The following EXTL3 variants were observed in gnomAD, a reference collection of about 807,000 sequenced individuals.
EXTL3 encodes exostosin like glycosyltransferase 3.
In EXTL3, 27 loss-of-function variants were observed where a neutral mutation model predicts 69.3. The observed-to-expected ratio is 0.39, with a 90% CI of 0.29 to 0.54. The LOEUF is 0.54. EXTL3 is among the 20% of genes least tolerant of loss of function. EXTL3 has a pLI of 0.69. For synonymous variants in EXTL3, 511 were observed against 499.4 expected, an observed-to-expected ratio of 1.02 and a Z score of -0.31; for missense variants, 1,003 against 1,231.8, an observed-to-expected ratio of 0.81 and a Z score of 2.78.
At chr8:28,742,664 G>A (rs1206482448) in intron 5 of EXTL3, 6 of 308,312 alleles carry the variant, frequency 1.9e-5, no homozygotes, top group South Asian at 3.0e-5. Context: ...GTGAGGGATC[G>A]TGTGTTTCAT....
At chr8:28,705,156 A>G (rs1471459144) in intron 1 of EXTL3, among the ~76,000 whole-genome samples, 1 of 152,112 alleles carries the variant, frequency 6.6e-6, no homozygotes, top group Non-Finnish European at 1.5e-5. Context: ...AGGGTGGTGA[A>G]ATTTTCCCCA....
chr8:28,676,804 C>T (rs1250936196), intron 1 of EXTL3, among the ~76,000 whole-genome samples: 1 of 152,140 alleles, frequency 6.6e-6, no homozygotes, highest in Non-Finnish European at 1.5e-5. Flanking sequence ...GCTTCTCAGA[C>T]CCCCGTGTGC....
intron 3 of EXTL3, among the ~76,000 whole-genome samples, chr8:28,723,607 CT>C (rs1185770475): frequency 2.0e-5 from 3 of 149,062 alleles, no homozygotes; most frequent in Admixed American, 2.0e-4. Context: ...ACTTGACTAA[CT>C]GATACCTGTA....
rs770098386 is a variant in EXTL3, at chr8:28,717,863, C to T, written c.1804C>T (p.Arg602Cys). Residue 602 changes from arginine to cysteine, a missense_variant, in exon 3 of 7, where the codon CGC (arginine) becomes TGC (cysteine). Arg to Cys is a radical substitution (Grantham distance 180). This residue lies in a region of EXTL3 where 742 missense variants were observed against 815.4 expected (regional missense o/e 0.91). Transcript: ENST00000220562. The surrounding 1 kb of genome is among the most constrained non-coding windows in gnomAD (Gnocchi z 8.3). ...NFTLTVTDFY[R>C]SWNCAPGPFH... Reference sequence around the variant, plus strand: ...CACTCTGACTGTCACTGACTTTTACCGCAGCTGGAACTGTGCTCCAGGGCC... The same window carrying T: ...CACTCTGACTGTCACTGACTTTTACTGCAGCTGGAACTGTGCTCCAGGGCC... 5 of 1,612,954 alleles carry T rather than the reference C, an allele frequency of 3.1e-6. No individual in the cohort carries two copies. The East Asian group carries it at 6.7e-5, about 22-fold the overall frequency.
rs531453577 is a variant in EXTL3 at position 28,642,314 on chromosome 8, C to T, written c.-53+19504C>T. ...ATACAAAATTAGCAGGGCATGGGGA[C>T]ATGCACCTGTGGTCCCAGCCACTTG... On this transcript the variant is annotated intron_variant, in intron 1 of 6. Coordinates refer to the EXTL3 transcript ENST00000523149. 4.0e-5 allele frequency among the ~76,000 whole-genome samples: 6 copies of T among 151,838 alleles called. No homozygotes were observed. In the East Asian group the frequency reaches 1.2e-3, roughly 30 times the overall value.
chr8:28,638,819 C>T (rs1008327448), intron 1 of EXTL3, among the ~76,000 whole-genome samples: 8 of 151,984 alleles, frequency 5.3e-5, no homozygotes, highest in East Asian at 3.9e-4. Context: ...TTAGTACAGA[C>T]GGGGTCTCAC....
intron 1 of EXTL3, among the ~76,000 whole-genome samples, chr8:28,711,865 A>C (rs1047147263): frequency 3.3e-5 from 5 of 152,160 alleles, no homozygotes; most frequent in Admixed American, 6.5e-5. Context: ...CCAGGGGAGA[A>C]TTGAGAGTTT....
chr8:28,740,390 TCTC>T (rs3051959), intron 5 of EXTL3: 1 of 152,250 alleles, frequency 6.6e-6, no homozygotes, highest in Non-Finnish European at 1.5e-5. Flanking sequence ...TTTAGGCAAT[TCTC>T]CTGCCTCAGC....
chr8:28,708,280 A>G (rs1041670913), intron 1 of EXTL3, among the ~76,000 whole-genome samples: 1 of 151,944 alleles, frequency 6.6e-6, no homozygotes, highest in Non-Finnish European at 1.5e-5. Context: ...CCCTTTTTTC[A>G]TCCAGGCTAG....
At chr8:28,729,834 G>C (rs980974655) in intron 3 of EXTL3, among the ~76,000 whole-genome samples, 2 of 150,430 alleles carry the variant, frequency 1.3e-5, no homozygotes, top group African/African-American at 4.9e-5. Flanking sequence ...GAGACTTCGA[G>C]AACTCGCTTT....
intron 1 of EXTL3, among the ~76,000 whole-genome samples, chr8:28,640,041 A>G (rs920676566): frequency 6.6e-6 from 1 of 152,238 alleles, no homozygotes; most frequent in African/African-American, 2.4e-5. Flanking sequence ...CAGAGGTTGC[A>G]GTGAGCTGAG....
intron 3 of EXTL3, 119 bp downstream of exon 3, chr8:28,718,326 C>A: frequency 1.0e-6 from 1 of 998,662 alleles, no homozygotes; most frequent in Non-Finnish European, 1.5e-6. Flanking sequence ...TACATGCATA[C>A]TCATGAAAAA....
In EXTL3 at chr8:28,739,542, G is replaced by A. The variant is rs148403326; in HGVS notation, c.2421+1879G>A. ...GATGCAGTTTCGCCATGTTGCTTAG[G>A]CTGGTCTCGAACTCCTGGACTCAAG... On this transcript the variant is annotated intron_variant, in intron 5 of 6. Coordinates refer to ENST00000220562, the MANE Select transcript of EXTL3 (RefSeq NM_001440.4). 1.0e-3 allele frequency among the ~76,000 whole-genome samples: 158 copies of A among 152,116 alleles called. 1 individual carries two copies. Among genetic ancestry groups the A allele is most frequent in the Middle Eastern group, 3.4e-3 (1 of 294 alleles).
At chr8:28,701,757 G>A (rs1291440691) in intron 1 of EXTL3, 98 bp downstream of exon 1, 2 of 153,144 alleles carry the variant, frequency 1.3e-5, no homozygotes, top group Non-Finnish European at 2.9e-5. Flanking sequence ...CTGGGGACGC[G>A]GCGGGAGGGA....
At chr8:28,611,200 C>A (rs575694793) in intron 2 of EXTL3, among the ~76,000 whole-genome samples, 6 of 152,084 alleles carry the variant, frequency 3.9e-5, no homozygotes, top group African/African-American at 1.4e-4. Context: ...TGTATAATCC[C>A]GGCACTCTAG....
At chr8:28,657,583 C>T (rs1361270836) in intron 1 of EXTL3, among the ~76,000 whole-genome samples, 1 of 152,064 alleles carries the variant, frequency 6.6e-6, no homozygotes, top group Non-Finnish European at 1.5e-5. Flanking sequence ...GGTTTCTGGA[C>T]TACATGGTTT....
chr8:28,615,406 T>C (rs1260951045), intron 2 of EXTL3, among the ~76,000 whole-genome samples: 2 of 152,224 alleles, frequency 1.3e-5, no homozygotes, highest in African/African-American at 4.8e-5. Context: ...CTATCAGTTT[T>C]TGCCTCATCT....
chr8:28,678,212 T>C (rs1451469521), intron 1 of EXTL3: 1 of 152,312 alleles, frequency 6.6e-6, no homozygotes, highest in Non-Finnish European at 1.5e-5. Context: ...GCAGTGACCC[T>C]GCACCTAGTC....
In EXTL3 at chr8:28,716,551, C is replaced by T. The variant is rs371856118; in HGVS notation, c.492C>T (p.Asp164=). ...SLPIRLLPEK[D]DAGLPPPKAT... The stretch of plus-strand genomic sequence containing the variant: ...CCATCCGACTGCTCCCAGAGAAGGA[C>T]GATGCCGGCCTCCCTCCCCCGAAGG... The change falls in exon 3 of 7, where the codon GAC becomes GAT. Residue 164 remains aspartate, a synonymous_variant. Transcript: ENST00000220562. The surrounding 1 kb of genome is among the most constrained non-coding windows in gnomAD (Gnocchi z 7.1). 436 of 1,614,178 alleles carry T rather than the reference C, an allele frequency of 2.7e-4. 2 individuals are homozygous for T. The highest frequency in any genetic ancestry group is 1.6e-3 in the South Asian group (147 of 91,084).
Sources: allele counts gnomAD v4.1 joint callset (sites outside exome capture counted in the v4.1 genomes callset), GRCh38; gene constraint gnomAD v4.1.1; regional missense constraint gnomAD v4.1.1; non-coding constraint Gnocchi (gnomAD v3.1); transcripts MANE v1.5; gene names NCBI Gene and HGNC (gene_info 2026-07-23, HGNC 2026-07-21).